PCDHA1: variants seen among roughly 807,000 people sequenced by gnomAD.
PCDHA1 encodes the protein protocadherin alpha 1, also known as protocadherin alpha-1.
A neutral mutation model predicts 61.3 loss-of-function variants in PCDHA1; 42 were observed. The observed-to-expected ratio is 0.69, with a 90% confidence interval of 0.54 to 0.89. PCDHA1 has a LOEUF of 0.89. Among genes scored for constraint, PCDHA1 ranks in the 40% least tolerant of loss-of-function variants. The pLI is 0.00. For missense variants in PCDHA1, 1,256 were observed against 1,235.3 expected (o/e 1.02, Z -0.25); for synonymous variants, 610 against 553.8 (o/e 1.10, Z -1.43).
At chr5:140,971,615 G>C (rs2096488487) in intron 1 of PCDHA1, among the ~76,000 whole-genome samples, 1 of 152,030 alleles carries the variant, frequency 6.6e-6, no homozygotes, top group East Asian at 1.9e-4. Flanking sequence ...GGAGAGTCCT[G>C]GGGTACAATT....
At chr5:140,926,703 C>A in intron 1 of PCDHA1, 2 of 835,416 alleles carry the variant, frequency 2.4e-6, no homozygotes, top group Non-Finnish European at 3.4e-6. Context: ...CGGCTCCCAG[C>A]TGGCCAGCCC....
intron 1 of PCDHA1, chr5:140,882,432 A>G: frequency 6.2e-7 from 1 of 1,614,052 alleles, no homozygotes; most frequent in Non-Finnish European, 8.5e-7. Context: ...CTGGGGCTGG[A>G]GCTGGCGGAG....
intron 1 of PCDHA1, chr5:140,849,900 C>T: frequency 6.3e-7 from 1 of 1,598,532 alleles, no homozygotes; most frequent in East Asian, 2.2e-5. Flanking sequence ...GGAGAACAAC[C>T]CGCCGGGCTG....
chr5:140,974,302 C>G (rs782329639), intron 1 of PCDHA1, among the ~76,000 whole-genome samples: 1 of 152,176 alleles, frequency 6.6e-6, no homozygotes, highest in Non-Finnish European at 1.5e-5. Flanking sequence ...GGAGGTACAA[C>G]TGTGAGTGAG....
chr5:140,826,326 G>A (rs1364617796), intron 1 of PCDHA1, among the ~76,000 whole-genome samples: 1 of 151,980 alleles, frequency 6.6e-6, no homozygotes. Context: ...ATTGTTTTTG[G>A]TTAAGAAATT....
chr5:140,909,575 G>A (rs114329297), intron 1 of PCDHA1, among the ~76,000 whole-genome samples: 373 of 152,290 alleles, frequency 2.4e-3, no homozygotes, highest in African/African-American at 8.5e-3. Context: ...CCAGAGATGT[G>A]ATATGTTTTT....
At chr5:140,807,824 A>G in intron 1 of PCDHA1, 1 of 1,614,212 alleles carries the variant, frequency 6.2e-7, no homozygotes, top group Non-Finnish European at 8.5e-7. Flanking sequence ...TTTAGTGCTC[A>G]CAGCCACTGA....
chr5:140,824,077 C>T, intron 1 of PCDHA1: 1 of 1,614,210 alleles, frequency 6.2e-7, no homozygotes, highest in South Asian at 1.1e-5. Flanking sequence ...CAAAACAGAC[C>T]TCATGGCCTT....
chr5:140,883,865 T>C, intron 1 of PCDHA1: 2 of 1,613,076 alleles, frequency 1.2e-6, no homozygotes, highest in East Asian at 2.2e-5. Flanking sequence ...GCTGTTGCAG[T>C]TCCAGGTGAG....
Position 140,856,181 on chromosome 5 carries a change from G to A in PCDHA1, c.2394+67497G>A, listed in dbSNP as rs781803033. 3.8e-6 allele frequency: 6 copies of A among 1,598,228 alleles called. No individual in the cohort carries two copies. In the East Asian group the frequency reaches 1.3e-4, roughly 36 times the overall value. ...GGAGGCCAGACACGGCACCTTCGTG[G>A]GCCGCATCGCGCAGGACCTGGGGCT... On this transcript the variant is annotated intron_variant, in intron 1 of 3. Transcript: ENST00000504120.
intron 1 of PCDHA1, 53 bp from the exon 2 acceptor site, chr5:140,978,895 TG>T: frequency 6.2e-7 from 1 of 1,612,992 alleles, no homozygotes; most frequent in Non-Finnish European, 8.5e-7. Context: ...GCAGCATTCC[TG>T]GGAGAACATT....
chr5:140,888,754 C>CT lies in PCDHA1; in HGVS notation c.2395-90185dup, dbSNP rs782694187. Reference sequence around the variant, plus strand: ...TGAGCTCTAGGAATTATTCTACCCACTTTTTTTTTTAATTTTGAAGGGATA... The same window carrying CT: ...TGAGCTCTAGGAATTATTCTACCCACTTTTTTTTTTTAATTTTGAAGGGATA... On this transcript the variant is annotated intron_variant, in intron 1 of 3. Transcript: ENST00000504120. 7.0e-3 allele frequency among the ~76,000 whole-genome samples: 1,040 copies of CT among 148,666 alleles called. 3 individuals are homozygous for CT. The highest frequency in any genetic ancestry group is 0.038 in the Middle Eastern group (11 of 290).
intron 1 of PCDHA1, chr5:140,842,293 C>A: frequency 6.2e-7 from 1 of 1,609,994 alleles, no homozygotes; most frequent in Non-Finnish European, 8.5e-7. Context: ...ACGCCACGGA[C>A]AAAGGCCATC....
At chr5:140,801,837 G>A (rs782758348) in intron 1 of PCDHA1, 16 of 1,614,038 alleles carry the variant, frequency 9.9e-6, no homozygotes, top group Non-Finnish European at 1.3e-5. Context: ...ACTAATAACA[G>A]CAATTGATGG....
At chr5:140,928,885 C>T in intron 1 of PCDHA1, 1 of 1,614,194 alleles carries the variant, frequency 6.2e-7, no homozygotes, top group Non-Finnish European at 8.5e-7. Context: ...TCAGTTACTT[C>T]CAGACTTTGA....
chr5:140,830,936 T>C (rs1771298831), intron 1 of PCDHA1: 1 of 152,346 alleles, frequency 6.6e-6, no homozygotes, highest in South Asian at 2.1e-4. Context: ...TGTCGACACT[T>C]TTATTAAGCT....
chr5:140,882,918 G>A (rs1554176085), intron 1 of PCDHA1: 1 of 1,614,186 alleles, frequency 6.2e-7, no homozygotes, highest in South Asian at 1.1e-5. Context: ...GCCAGTGATG[G>A]AGGTAAACCC....
chr5:140,803,703 T>C (rs974545602), intron 1 of PCDHA1: 5 of 1,529,032 alleles, frequency 3.3e-6, no homozygotes, highest in Admixed American at 2.1e-5. Context: ...GATTCATAAT[T>C]AGACTTTTCC....
chr5:141,004,163 G>A (rs374407159), intron 3 of PCDHA1, among the ~76,000 whole-genome samples: 3 of 152,234 alleles, frequency 2.0e-5, no homozygotes, highest in African/African-American at 7.2e-5. Context: ...TATAGGCAAA[G>A]CCAGCCAAGT....
Sources: gnomAD v4.1 joint callset for allele counts (sites outside exome capture counted in the v4.1 genomes callset) on GRCh38, gnomAD v4.1.1 for gene constraint, MANE v1.5 for transcripts, NCBI Gene and HGNC (gene_info 2026-07-23, HGNC 2026-07-21) for gene names.